Variants in MACROD2 observed in about 807,000 individuals in gnomAD.
MACROD2 encodes mono-ADP ribosylhydrolase 2.
In MACROD2, 36 loss-of-function variants were observed where a neutral mutation model predicts 70.4. The ratio of observed to expected loss-of-function variants is 0.51; its 90% CI spans 0.39 to 0.68. The LOEUF is 0.68. Ranked by LOEUF, MACROD2 falls within the 30% of genes least tolerant of loss-of-function variation. The pLI, the probability that MACROD2 is intolerant of heterozygous loss-of-function variation, is 0.00. For missense variants in MACROD2, 496 were observed against 538.4 expected (o/e 0.92, Z 0.78); for synonymous variants, 172 against 178.8 (o/e 0.96, Z 0.30).
intron 3 of MACROD2, chr20:14,127,613 G>A (rs958098155): frequency 8.9e-6 from 4 of 447,588 alleles, no homozygotes; most frequent in African/African-American, 8.2e-5. Flanking sequence ...ATTGAAACAA[G>A]AGCTAATTCA....
At chr20:14,648,870 A>G (rs1410968855) in intron 4 of MACROD2, among the ~76,000 whole-genome samples, 1 of 152,202 alleles carries the variant, frequency 6.6e-6, no homozygotes, top group Non-Finnish European at 1.5e-5. Flanking sequence ...CACCTATGCC[A>G]GTTAATCTGT....
chr20:16,036,849 A>C (rs1285931179), intron 15 of MACROD2, among the ~76,000 whole-genome samples: 2 of 152,018 alleles, frequency 1.3e-5, no homozygotes, highest in African/African-American at 4.8e-5. Flanking sequence ...ACCATTGCAC[A>C]CATATGCATC....
chr20:15,965,845 T>G (rs2066133027), intron 12 of MACROD2, among the ~76,000 whole-genome samples: 1 of 152,202 alleles, frequency 6.6e-6, no homozygotes, highest in Admixed American at 6.6e-5. Context: ...TGCTTCCAAA[T>G]TTGGACTTTT....
chr20:15,507,346 CCCTTTTTCCTT>C (rs2047438669), intron 8 of MACROD2, among the ~76,000 whole-genome samples: 2 of 151,272 alleles, frequency 1.3e-5, no homozygotes, highest in Admixed American at 1.3e-4. Context: ...ATTCCCTCCT[CCCTTTTTCCTT>C]CCTTTTTCTT....
intron 3 of MACROD2, among the ~76,000 whole-genome samples, chr20:14,448,118 C>T (rs189023046): frequency 5.3e-5 from 8 of 151,776 alleles, no homozygotes; most frequent in Admixed American, 2.0e-4. Context: ...CTTTGCAGCC[C>T]GTCTTTCCCA....
chr20:14,997,744 C>T (rs2074962149), intron 5 of MACROD2, among the ~76,000 whole-genome samples: 1 of 152,072 alleles, frequency 6.6e-6, no homozygotes, highest in African/African-American at 2.4e-5. Context: ...GCCCTTGGGC[C>T]TTGAATCAGC....
chr20:15,047,797 G>A (rs1378951865), intron 5 of MACROD2, among the ~76,000 whole-genome samples: 1 of 152,076 alleles, frequency 6.6e-6, no homozygotes, highest in Non-Finnish European at 1.5e-5. Flanking sequence ...TCATTGCAAC[G>A]TGATGAGGTT....
intron 6 of MACROD2, among the ~76,000 whole-genome samples, chr20:15,257,052 C>T (rs2077205823): frequency 6.6e-6 from 1 of 151,958 alleles, no homozygotes; most frequent in African/African-American, 2.4e-5. Flanking sequence ...AGGACAATGA[C>T]AAAGTTGCTT....
chr20:15,613,335 G>A (rs1334077208), intron 8 of MACROD2, among the ~76,000 whole-genome samples: 4 of 152,170 alleles, frequency 2.6e-5, no homozygotes, highest in Non-Finnish European at 5.9e-5. Context: ...TGTGAGCATG[G>A]CAGCATTATA....
Position 14,562,432 on chromosome 20 carries a change from A to T in MACROD2, c.301+68924A>T, listed in dbSNP as rs149738720. Reference sequence around the variant, plus strand: ...ATTTATTGTTTATACATCTACCTACAACCAAAAAGGTGAGGAGTTTTACAC... The same window carrying T: ...ATTTATTGTTTATACATCTACCTACTACCAAAAAGGTGAGGAGTTTTACAC... On this transcript the variant is annotated intron_variant, in intron 4 of 17. Coordinates refer to ENST00000684519, the MANE Select transcript of MACROD2 (RefSeq NM_001351661.2). 7.2e-5 allele frequency among the ~76,000 whole-genome samples: 11 copies of T among 152,104 alleles called. No homozygotes were observed. The East Asian group carries it at 1.9e-3, about 27-fold the overall frequency.
intron 4 of MACROD2, among the ~76,000 whole-genome samples, chr20:14,514,031 T>C (rs1307310102): frequency 6.6e-6 from 1 of 152,146 alleles, no homozygotes; most frequent in Admixed American, 6.6e-5. Context: ...CTACTTTTTC[T>C]AAATGATTTA....
intron 3 of MACROD2, among the ~76,000 whole-genome samples, chr20:14,469,437 TG>T (rs1209077805): frequency 6.6e-6 from 1 of 152,084 alleles, no homozygotes; most frequent in Non-Finnish European, 1.5e-5. Context: ...AGTATCTTTG[TG>T]GTGTTCTCTC....
intron 7 of MACROD2, among the ~76,000 whole-genome samples, chr20:15,435,446 T>C (rs2046416152): frequency 6.6e-6 from 1 of 152,134 alleles, no homozygotes; most frequent in South Asian, 2.1e-4. Context: ...TTTAACTGTA[T>C]TGTGAAATAC....
intron 8 of MACROD2, among the ~76,000 whole-genome samples, chr20:15,603,518 A>T (rs1282894539): frequency 6.6e-6 from 1 of 151,912 alleles, no homozygotes; most frequent in African/African-American, 2.4e-5. Context: ...AAAAAAAAAA[A>T]AAAAGATATA....
At chr20:14,182,178 G>A (rs979055788) in intron 3 of MACROD2, among the ~76,000 whole-genome samples, 4 of 152,156 alleles carry the variant, frequency 2.6e-5, no homozygotes, top group Non-Finnish European at 5.9e-5. Context: ...AAAACCTATA[G>A]CCATCCTAGT....
chr20:15,904,812 C>T (rs1278752664), intron 10 of MACROD2, among the ~76,000 whole-genome samples: 1 of 144,738 alleles, frequency 6.9e-6, no homozygotes, highest in Non-Finnish European at 1.5e-5. Context: ...AGCTGGGAGG[C>T]GGAGCTTGCA....
At chr20:14,605,262 C>T (rs1600445327) in intron 4 of MACROD2, among the ~76,000 whole-genome samples, 1 of 152,170 alleles carries the variant, frequency 6.6e-6, no homozygotes, top group East Asian at 1.9e-4. Context: ...TTGGTTCCTT[C>T]TGAGAACTGT....
chr20:14,959,621 A>C (rs1292621483), intron 5 of MACROD2, among the ~76,000 whole-genome samples: 1 of 152,130 alleles, frequency 6.6e-6, no homozygotes, highest in African/African-American at 2.4e-5. Context: ...AAGATGTACA[A>C]CTCTAGGGAC....
chr20:14,862,152 A>AT (rs2073340816), intron 5 of MACROD2, among the ~76,000 whole-genome samples: 1 of 19,324 alleles, frequency 5.2e-5, no homozygotes. Flanking sequence ...ATTATACATA[A>AT]ATATATAAAT....
Sources: allele counts gnomAD v4.1 joint callset (sites outside exome capture counted in the v4.1 genomes callset), GRCh38; gene constraint gnomAD v4.1.1; transcripts MANE v1.5; gene names NCBI Gene and HGNC (gene_info 2026-07-23, HGNC 2026-07-21).